Variants in MTFMT observed in about 807,000 individuals in gnomAD.
MTFMT encodes the protein mitochondrial methionyl-tRNA formyltransferase.
In MTFMT, 47 loss-of-function variants were observed where a neutral mutation model predicts 51.8. The observed-to-expected ratio is 0.91, with a 90% confidence interval of 0.72 to 1.16. The LOEUF is 1.16. Among genes scored for constraint, MTFMT ranks in the 50% most tolerant of loss-of-function variants. The probability of loss-of-function intolerance (pLI) is 0.00; values close to 1 mark genes in which losing one functional copy is unlikely to be tolerated. For missense variants in MTFMT, 512 were observed against 482.3 expected, an observed-to-expected ratio of 1.06 and a Z score of -0.58; for synonymous variants, 196 against 176.7, an observed-to-expected ratio of 1.11 and a Z score of -0.87.
In MTFMT at chr15:65,029,570, T is replaced by G. The variant is rs935174845; in HGVS notation, c.44A>C (p.His15Pro). The G allele has an allele frequency of 4.7e-6, 7 of 1,500,768 alleles. No individual in the cohort carries two copies. The East Asian group carries it at 8.3e-5, about 18-fold the overall frequency. The allele number at this position is 1,500,768 out of a possible 1,614,324, so 93.0% of individuals were successfully genotyped here. ...ACTCGGCCTCCCACGCCTGGCGCCA[T>G]GAGCCAGCGGAGGACCCCAACAGCG... ...VRRCWGPPLAHGARRGRPSPQ... is the reference protein window; with the variant it reads ...VRRCWGPPLAPGARRGRPSPQ... Residue 15 changes from histidine to proline, a missense_variant, in exon 1 of 9, where the codon CAT becomes CCT. Coordinates refer to ENST00000220058, the MANE Select transcript of MTFMT (RefSeq NM_139242.4).
intron 3 of MTFMT, 34 bp downstream of exon 3, chr15:65,023,638 C>T: frequency 6.2e-7 from 1 of 1,607,566 alleles, no homozygotes; most frequent in Non-Finnish European, 8.5e-7. Context: ...ATTTAAAAAT[C>T]ACAAAAATCT....
At chr15:65,007,614 G>T (rs1009706500) in intron 6 of MTFMT, among the ~76,000 whole-genome samples, 11 of 152,162 alleles carry the variant, frequency 7.2e-5, no homozygotes, top group Non-Finnish European at 1.6e-4. Context: ...GGGTTAAACA[G>T]CATCAACATT....
At chr15:65,027,864 C>CT (rs977398599) in intron 1 of MTFMT, among the ~76,000 whole-genome samples, 6 of 152,126 alleles carry the variant, frequency 3.9e-5, no homozygotes, top group African/African-American at 1.4e-4. Context: ...ATCCATGGAA[C>CT]TTTTTTACCA....
At chr15:65,023,606 C>T (rs1165827671) in intron 3 of MTFMT, 66 bp downstream of exon 3, 11 of 1,545,436 alleles carry the variant, frequency 7.1e-6, no homozygotes, top group Non-Finnish European at 9.8e-6. Flanking sequence ...ATCCACTGCC[C>T]CCCAAACAGG....
chr15:65,009,037 T>C (rs1402075392), intron 6 of MTFMT, among the ~76,000 whole-genome samples: 2 of 152,170 alleles, frequency 1.3e-5, no homozygotes, highest in Non-Finnish European at 2.9e-5. Context: ...TTGCATGAAT[T>C]TACATTCACC....
Position 65,027,524 on chromosome 15 carries a change from A to G in MTFMT, c.210-484T>C, listed in dbSNP as rs1229497883. On this transcript the variant is annotated intron_variant, in intron 1 of 8. Coordinates refer to ENST00000220058, the MANE Select transcript of MTFMT (RefSeq NM_139242.4). ...CAGTTTTCATTTTTTATTTAATTTTAATTATTTAAAATGTAAAGAGTGACA... is the reference window on the plus strand; with the variant it reads ...CAGTTTTCATTTTTTATTTAATTTTGATTATTTAAAATGTAAAGAGTGACA... Among the ~76,000 whole-genome samples, 3 of 152,026 alleles carry G rather than the reference A, an allele frequency of 2.0e-5. No individual in the cohort carries two copies. In the East Asian group the frequency reaches 5.8e-4, roughly 29 times the overall value.
chr15:65,018,166 TA>T (rs545004918), intron 5 of MTFMT, among the ~76,000 whole-genome samples: 4,092 of 140,564 alleles, frequency 0.029, 103 homozygotes, highest in South Asian at 0.14. Context: ...ATCCCTAAAA[TA>T]AAAAAAAAAA....
Position 65,029,495 on chromosome 15 carries a change from G to C in MTFMT, c.119C>G (p.Ser40Cys). The C allele has an allele frequency of 6.5e-7, 1 of 1,533,972 alleles. No individual in the cohort carries two copies. Among genetic ancestry groups the C allele is most frequent in the South Asian group, 1.2e-5 (1 of 82,152 alleles). The change falls in exon 1 of 9, where the codon TCC becomes TGC. Residue 40 changes from serine (S) to cysteine (C), a missense_variant. Physicochemically the swap from Ser to Cys is moderately radical, Grantham distance 112 (BLOSUM62 -1). Coordinates refer to ENST00000220058, the MANE Select transcript of MTFMT (RefSeq NM_139242.4). ...CCAGGGAGGCTTCTCGCGGACTCTG[G>C]AGTCCCGGCAGTCCTCCCAGCCGAG... is the stretch of plus-strand genomic sequence containing the variant. Reference protein sequence around the residue: ...ARLGWEDCRDSRVREKPPWRV... With the variant: ...ARLGWEDCRDCRVREKPPWRV...
chr15:65,012,022 T>C (rs2086271781), intron 6 of MTFMT, among the ~76,000 whole-genome samples: 1 of 150,940 alleles, frequency 6.6e-6, no homozygotes, highest in Admixed American at 6.7e-5. Flanking sequence ...ACATATGATG[T>C]GACATAGGGT....
rs1378349757 is a variant in MTFMT, at chr15:65,029,529, G to T, written c.85C>A (p.Leu29Met). Residue 29 changes from leucine (L) to methionine (M), a missense_variant, in exon 1 of 9, where the codon CTG becomes ATG. By Grantham distance (15) the Leu-to-Met change is conservative. Coordinates refer to ENST00000220058, the MANE Select transcript of MTFMT (RefSeq NM_139242.4). ...CAGTCCTCCCAGCCGAGTCGGGCCA[G>T]TGCTCGCCACTGGGGACTCGGCCTC... is the stretch of plus-strand genomic sequence containing the variant. ...RGRPSPQWRALARLGWEDCRD... is the reference protein window; with the variant it reads ...RGRPSPQWRAMARLGWEDCRD... 2.6e-6 allele frequency: 4 copies of T among 1,526,958 alleles called. No homozygotes were observed. The highest frequency in any genetic ancestry group is 3.5e-6 in the Non-Finnish European group (4 of 1,139,200). The allele number at this position is 1,526,958 out of a possible 1,614,324, so 94.6% of individuals were successfully genotyped here. A position where few individuals can be genotyped will look rare whatever the true frequency, so the allele number is the denominator to read the frequency against.
intron 4 of MTFMT, among the ~76,000 whole-genome samples, chr15:65,020,921 T>C (rs1167887915): frequency 6.6e-6 from 1 of 152,190 alleles, no homozygotes. Flanking sequence ...GGTAAGTGCC[T>C]AGAATAGGAA....
chr15:65,017,571 G>C (rs953280724), intron 5 of MTFMT, among the ~76,000 whole-genome samples: 7 of 152,214 alleles, frequency 4.6e-5, no homozygotes, highest in African/African-American at 1.4e-4. Flanking sequence ...GCCAAGGCAG[G>C]AGGACGGCTT....
intron 2 of MTFMT, among the ~76,000 whole-genome samples, 175 bp from the exon 3 acceptor site, chr15:65,023,969 C>G (rs1002955179): frequency 1.3e-5 from 2 of 152,222 alleles, no homozygotes; most frequent in African/African-American, 4.8e-5. Flanking sequence ...TAAATTCACT[C>G]TCTTACCATA....
Position 65,026,964 on chromosome 15 carries a change from C to G in MTFMT, c.286G>C (p.Val96Leu), listed in dbSNP as rs1331761590. The G allele has an allele frequency of 6.2e-7, 1 of 1,614,030 alleles. No individual in the cohort carries two copies. Among genetic ancestry groups the G allele is most frequent in the Non-Finnish European group, 8.5e-7 (1 of 1,179,886 alleles). Residue 96 changes from valine to leucine, a missense_variant, in exon 2 of 9, where the codon GTG (valine) becomes CTG (leucine). By Grantham distance (32) the Val-to-Leu change is conservative. Coordinates refer to ENST00000220058, the MANE Select transcript of MTFMT (RefSeq NM_139242.4). ...TGAGACTGCACAGCATATTGCTTCA[C>G]TGGCAGTCCTTTTGGTGATGGGGAA... is the stretch of plus-strand genomic sequence containing the variant. ...MPSPSPKGLPVKQYAVQSQLP... is the reference protein window; with the variant it reads ...MPSPSPKGLPLKQYAVQSQLP...
intron 5 of MTFMT, among the ~76,000 whole-genome samples, chr15:65,019,010 C>T (rs2086347751): frequency 6.6e-6 from 1 of 152,130 alleles, no homozygotes; most frequent in African/African-American, 2.4e-5. Context: ...TAGAAAATTG[C>T]CATTTTGTAA....
In MTFMT at chr15:65,001,638, G is replaced by T. The variant is rs1165654702; in HGVS notation, c.*1424C>A. ...GCACTTTGAGAGGCCAAGGCAGGAGGATTGCTTGGGCCCAGGAGTTCAAGA... is the reference window on the plus strand; with the variant it reads ...GCACTTTGAGAGGCCAAGGCAGGAGTATTGCTTGGGCCCAGGAGTTCAAGA... On this transcript the variant is annotated 3_prime_UTR_variant, in exon 9 of 9. Coordinates refer to ENST00000220058, the MANE Select transcript of MTFMT (RefSeq NM_139242.4). 2 of 152,228 alleles carry T rather than the reference G, an allele frequency of 1.3e-5. No homozygotes were observed. The highest frequency in any genetic ancestry group is 2.9e-5 in the Non-Finnish European group (2 of 68,074). The allele number at this position is 152,228 out of a possible 1,614,324, so 9.4% of individuals were successfully genotyped here. A position where few individuals can be genotyped will look rare whatever the true frequency, so the allele number is the denominator to read the frequency against.
At chr15:65,011,485 CTTTTTTT>C (rs536213292) in intron 6 of MTFMT, among the ~76,000 whole-genome samples, 68 of 74,098 alleles carry the variant, frequency 9.2e-4, no homozygotes, top group African/African-American at 4.2e-3. Flanking sequence ...TGTAAGCTGT[CTTTTTTT>C]TTTTTTTTTT....
chr15:65,018,967 A>G (rs1308189380), intron 5 of MTFMT, among the ~76,000 whole-genome samples: 1 of 152,258 alleles, frequency 6.6e-6, no homozygotes, highest in Non-Finnish European at 1.5e-5. Flanking sequence ...TCTTCTTTCC[A>G]GAACAATACC....
At position 65,002,853 on chromosome 15, in the gene MTFMT, C is replaced by T. The variant is rs1248491376; in HGVS notation, c.*209G>A. 6.5e-6 allele frequency: 2 copies of T among 308,954 alleles called. No homozygotes were observed. Among genetic ancestry groups the T allele is most frequent in the South Asian group, 1.4e-4 (2 of 14,788 alleles). The allele number at this position is 308,954 out of a possible 1,614,324, so 19.1% of individuals were successfully genotyped here. A position where few individuals can be genotyped will look rare whatever the true frequency, so the allele number is the denominator to read the frequency against. On this transcript the variant is annotated 3_prime_UTR_variant, in exon 9 of 9. Transcript: ENST00000220058. Reference sequence around the variant, plus strand: ...TGGCGTGTGCCTGTAATCCCAGCTACTCAGGAGGCTGAGGCAGGAGAATTG... The same window carrying T: ...TGGCGTGTGCCTGTAATCCCAGCTATTCAGGAGGCTGAGGCAGGAGAATTG...
Sources: gnomAD v4.1 joint callset for allele counts (sites outside exome capture counted in the v4.1 genomes callset) on GRCh38, gnomAD v4.1.1 for gene constraint, MANE v1.5 for transcripts, NCBI Gene and HGNC (gene_info 2026-07-23, HGNC 2026-07-21) for gene names.